The following ITGAE variants were observed in gnomAD, a reference collection of about 807,000 sequenced individuals.
The protein encoded by ITGAE is integrin subunit alpha E, also known as integrin alpha-E.
In ITGAE, 99 loss-of-function variants were observed where a neutral mutation model predicts 136.5. That is an observed-to-expected ratio of 0.73 (90% CI 0.62 to 0.86). The LOEUF is 0.86. Ranked by LOEUF, ITGAE falls within the 40% of genes least tolerant of loss-of-function variation. The probability of loss-of-function intolerance (pLI) is 0.00; values close to 1 mark genes in which losing one functional copy is unlikely to be tolerated. For synonymous variants in ITGAE, 613 were observed against 591.8 expected (o/e 1.04, Z -0.52); for missense variants, 1,447 against 1,515.3 (o/e 0.95, Z 0.75).
Position 3,734,937 on chromosome 17 carries a change from C to T in ITGAE, c.2535G>A (p.Val845=). The T allele has an allele frequency of 1.9e-6, 3 of 1,614,166 alleles. No homozygotes were observed. The highest frequency in any genetic ancestry group is 1.7e-6 in the Non-Finnish European group (2 of 1,180,018). Residue 845 remains valine, a synonymous_variant, in exon 21 of 31, where the codon GTG becomes GTA. Coordinates refer to ENST00000263087, the MANE Select transcript of ITGAE (RefSeq NM_002208.5). ...GGGTCAGCTCCTTTGTGAGACCCAC[C>T]ACCAACTCCTGCCTGCACAGGGTAC... is the stretch of plus-strand genomic sequence containing the variant. ...LATTVSQQEL[V]VGLTKELTLN...
intron 26 of ITGAE, chr17:3,725,023 G>A: frequency 6.2e-7 from 1 of 1,614,186 alleles, no homozygotes. Flanking sequence ...CAAAAGCTGG[G>A]AAAAGATTCG....
chr17:3,753,296 G>A lies in ITGAE; in HGVS notation c.1662C>T (p.Ser554=), dbSNP rs370871436. ...AAGATGGAGACTCTCCCACCTGCTC[G>A]CTGAGACGGTACACGTAGACTCTGC... ...EEGRVYVYRL[S]EQDGSFSLAR... The change falls in exon 14 of 31, where the codon AGC becomes AGT. Residue 554 remains serine, a synonymous_variant. Coordinates refer to ENST00000263087, the MANE Select transcript of ITGAE (RefSeq NM_002208.5). The A allele has an allele frequency of 5.0e-6, 8 of 1,613,424 alleles. No homozygotes were observed. Among genetic ancestry groups the A allele is most frequent in the African/African-American group, 4.0e-5 (3 of 74,892 alleles).
At chr17:3,774,428 T>TA (rs1466118768) in intron 2 of ITGAE, among the ~76,000 whole-genome samples, 1 of 151,936 alleles carries the variant, frequency 6.6e-6, no homozygotes, top group Non-Finnish European at 1.5e-5. Context: ...ACGTAATACA[T>TA]AAACCTTGAC....
Position 3,757,103 on chromosome 17 carries a change from G to T in ITGAE, c.1052C>A (p.Ala351Glu), listed in dbSNP as rs138819159. ...VGEEFKSART[A>E]RELNLIASDP... ...TGAGGCGATCAGGTTCAGTTCCCTC[G>T]CAGTCCTAGCACTCTTAAATTCTTC... The change falls in exon 10 of 31, where the codon GCG becomes GAG. Residue 351 changes from alanine to glutamate, a missense_variant. Around this residue, in one of 3 missense-constraint regions of ITGAE, gnomAD observed 310 missense variants for 416.1 expected, o/e 0.74. Transcript: ENST00000263087. 2 of 1,614,096 alleles carry T rather than the reference G, an allele frequency of 1.2e-6. No individual in the cohort carries two copies. Among genetic ancestry groups the T allele is most frequent in the Non-Finnish European group, 1.7e-6 (2 of 1,180,002 alleles).
At chr17:3,769,509 C>T (rs2052371537) in intron 2 of ITGAE, among the ~76,000 whole-genome samples, 1 of 152,222 alleles carries the variant, frequency 6.6e-6, no homozygotes, top group Non-Finnish European at 1.5e-5. Flanking sequence ...TCCCCCACTG[C>T]CGGGAGTTTG....
chr17:3,739,735 T>C, intron 20 of ITGAE, 70 bp downstream of exon 20: 1 of 1,312,412 alleles, frequency 7.6e-7, no homozygotes, highest in Non-Finnish European at 1.1e-6. Flanking sequence ...GGTGTCCTAA[T>C]GAAGGAATTG....
chr17:3,725,243 G>A, intron 26 of ITGAE: 1 of 1,614,118 alleles, frequency 6.2e-7, no homozygotes. Context: ...CGTCCTCTTG[G>A]CACTCCTCCT....
chr17:3,792,929 C>T (rs563311246), intron 1 of ITGAE, among the ~76,000 whole-genome samples: 2 of 152,186 alleles, frequency 1.3e-5, no homozygotes, highest in Non-Finnish European at 1.5e-5. Flanking sequence ...AACCCTGCAC[C>T]CCAGCTTTTG....
chr17:3,792,018 G>A (rs2052950767), intron 1 of ITGAE, among the ~76,000 whole-genome samples: 1 of 152,182 alleles, frequency 6.6e-6, no homozygotes, highest in Non-Finnish European at 1.5e-5. Context: ...GGAGGAACCT[G>A]GGGAGATGGC....
intron 21 of ITGAE, among the ~76,000 whole-genome samples, chr17:3,734,006 T>G (rs1188371893): frequency 6.6e-6 from 1 of 152,170 alleles, no homozygotes; most frequent in African/African-American, 2.4e-5. Flanking sequence ...TGACTTACAC[T>G]CTCCAGGCAA....
chr17:3,731,074 T>A, intron 23 of ITGAE, 30 bp downstream of exon 23: 2 of 1,572,792 alleles, frequency 1.3e-6, no homozygotes, highest in Non-Finnish European at 1.8e-6. Flanking sequence ...GGTCATAGCC[T>A]GACTCTGCTG....
chr17:3,750,439 C>A lies in ITGAE; in HGVS notation c.1937G>T (p.Gly646Val). ...STVAPGLQYFGMSMAGGFDIS... is the reference protein window; with the variant it reads ...STVAPGLQYFVMSMAGGFDIS... Reference sequence around the variant, plus strand: ...ATCAAAGCCACCAGCCATGGACATGCCGAAGTACTGGAGTCCTGGGGCCAC... The same window carrying A: ...ATCAAAGCCACCAGCCATGGACATGACGAAGTACTGGAGTCCTGGGGCCAC... The change falls in exon 16 of 31, where the codon GGC becomes GTC. Residue 646 changes from glycine to valine, a missense_variant. By Grantham distance (109) the Gly-to-Val change is moderately radical (BLOSUM62 -3). Transcript: ENST00000263087. The A allele has an allele frequency of 6.2e-7, 1 of 1,614,172 alleles. No individual in the cohort carries two copies. The highest frequency in any genetic ancestry group is 1.6e-4 in the Middle Eastern group (1 of 6,062).
rs1372579964 is a variant in ITGAE, at chr17:3,766,841, AATAAT to A, written c.156-2886_156-2882del. On this transcript the variant is annotated intron_variant, in intron 2 of 30. Coordinates refer to ENST00000263087, the MANE Select transcript of ITGAE (RefSeq NM_002208.5). ...TAATAATAATAATAATAATAATAAT[AATAAT>A]AAACCTGTGTTGTTGTAAGCCACTA... is the stretch of plus-strand genomic sequence containing the variant. 3.0e-4 allele frequency among the ~76,000 whole-genome samples: 32 copies of A among 105,172 alleles called. No individual in the cohort carries two copies. In the South Asian group the frequency reaches 3.5e-3, roughly 11 times the overall value. The allele number at this position is 105,172 out of a possible 152,430, so 69.0% of individuals were successfully genotyped here.
chr17:3,731,499 G>A (rs1048995259), intron 22 of ITGAE, among the ~76,000 whole-genome samples: 7 of 151,470 alleles, frequency 4.6e-5, no homozygotes, highest in Non-Finnish European at 7.4e-5. Flanking sequence ...GCACCACCAC[G>A]CCCAGCTAAT....
In ITGAE at chr17:3,761,112, C is replaced by T; in HGVS notation, c.499G>A (p.Gly167Arg). Reference sequence around the variant, plus strand: ...CTGGCTGTGTTCACATCGTCTTCTCCACCGCCTTCTTTGTTGCTGTAGCAG... The same window carrying T: ...CTGGCTGTGTTCACATCGTCTTCTCTACCGCCTTCTTTGTTGCTGTAGCAG... ...GDCYSNKEGG[G>R]EDDVNTARQR... Residue 167 changes from glycine to arginine, a missense_variant, in exon 6 of 31, where the codon GGA (glycine) becomes AGA (arginine). Coordinates refer to ENST00000263087, the MANE Select transcript of ITGAE (RefSeq NM_002208.5). The T allele has an allele frequency of 6.8e-6, 11 of 1,613,214 alleles. No individual in the cohort carries two copies. The highest frequency in any genetic ancestry group is 9.3e-6 in the Non-Finnish European group (11 of 1,180,026).
In ITGAE at chr17:3,743,550, C is replaced by G. The variant is rs771701527; in HGVS notation, c.2387G>C (p.Gly796Ala). The stretch of plus-strand genomic sequence containing the variant: ...GATGGGCTGGGGATGGTCCGTCTGT[C>G]CCTCAGGGGTCTGGAGCTGGTAGCT... Reference protein sequence around the residue: ...KVSYQLQTPEGQTDHPQPILD... With the variant: ...KVSYQLQTPEAQTDHPQPILD... Residue 796 changes from glycine to alanine, a missense_variant, in exon 19 of 31, where the codon GGA becomes GCA. By Grantham distance (60) the Gly-to-Ala change is moderately conservative. Coordinates refer to ENST00000263087, the MANE Select transcript of ITGAE (RefSeq NM_002208.5). 1 of 1,612,960 alleles carries G rather than the reference C, an allele frequency of 6.2e-7. No homozygotes were observed. Among genetic ancestry groups the G allele is most frequent in the South Asian group, 1.1e-5 (1 of 90,890 alleles).
intron 1 of ITGAE, among the ~76,000 whole-genome samples, chr17:3,791,230 CA>C (rs2052931852): frequency 6.6e-6 from 1 of 151,112 alleles, no homozygotes; most frequent in South Asian, 2.1e-4. Flanking sequence ...TAGATGATAC[CA>C]AAGAATTAAT....
chr17:3,745,978 A>C (rs2051704300), intron 17 of ITGAE, 51 bp from the exon 18 acceptor site: 1 of 1,555,376 alleles, frequency 6.4e-7, no homozygotes, highest in Admixed American at 1.8e-5. Context: ...AGCCAGCCGC[A>C]GACAGAAGGC....
intron 3 of ITGAE, among the ~76,000 whole-genome samples, 182 bp downstream of exon 3, chr17:3,763,687 A>G (rs1287819673): frequency 6.6e-6 from 1 of 151,876 alleles, no homozygotes; most frequent in East Asian, 1.9e-4. Context: ...GCTGGGGATT[A>G]GGATTGGGTT....
Sources: allele counts gnomAD v4.1 joint callset (sites outside exome capture counted in the v4.1 genomes callset), GRCh38; gene constraint gnomAD v4.1.1; regional missense constraint gnomAD v4.1.1; transcripts MANE v1.5; gene names NCBI Gene and HGNC (gene_info 2026-07-23, HGNC 2026-07-21).